Variants in GTF2IRD1 observed in about 807,000 individuals in gnomAD.
GTF2IRD1 encodes GTF2I repeat domain containing 1, also known as general transcription factor II-I repeat domain-containing protein 1.
A neutral mutation model predicts 113.2 loss-of-function variants in GTF2IRD1; 26 were observed. The ratio of observed to expected loss-of-function variants is 0.23; its 90% CI spans 0.17 to 0.32. The LOEUF is 0.32. GTF2IRD1 is among the 10% of genes least tolerant of loss of function. GTF2IRD1 has a pLI of 1.00. For missense variants in GTF2IRD1, 864 were observed against 1,280.8 expected (o/e 0.67, Z 4.97); for synonymous variants, 484 against 529.1 (o/e 0.91, Z 1.17).
At chr7:74,492,383 G>A (rs1795411943) in intron 1 of GTF2IRD1, among the ~76,000 whole-genome samples, 1 of 151,662 alleles carries the variant, frequency 6.6e-6, no homozygotes, top group Admixed American at 6.6e-5. Context: ...TGTTAGCCAG[G>A]ATGGTCTTGA....
chr7:74,589,469 G>A (rs372330378), intron 22 of GTF2IRD1, among the ~76,000 whole-genome samples: 2 of 152,074 alleles, frequency 1.3e-5, no homozygotes, highest in African/African-American at 4.8e-5. Flanking sequence ...AGGCTGAGGC[G>A]GGTGGATCAC....
chr7:74,542,018 C>G (rs1454541802), intron 14 of GTF2IRD1, among the ~76,000 whole-genome samples: 2 of 152,016 alleles, frequency 1.3e-5, no homozygotes, highest in African/African-American at 4.8e-5. Flanking sequence ...ATCCTTTGAG[C>G]CCAGGAGTTG....
chr7:74,504,292 CT>C (rs1268440120), intron 1 of GTF2IRD1, among the ~76,000 whole-genome samples: 3 of 152,214 alleles, frequency 2.0e-5, no homozygotes, highest in African/African-American at 7.2e-5. Context: ...ATTTCTCTTC[CT>C]TGCGAGTGTC....
intron 24 of GTF2IRD1, among the ~76,000 whole-genome samples, chr7:74,592,993 G>A (rs1336194743): frequency 6.6e-6 from 1 of 151,538 alleles, no homozygotes; most frequent in Admixed American, 6.6e-5. Flanking sequence ...AAATAGCTGG[G>A]ATCACAGGTG....
chr7:74,470,376 C>T (rs1218529036), intron 1 of GTF2IRD1, among the ~76,000 whole-genome samples: 10 of 152,262 alleles, frequency 6.6e-5, no homozygotes, highest in Admixed American at 4.6e-4. Flanking sequence ...CGTTCATTTT[C>T]GTCACTCTGA....
Position 74,508,152 on chromosome 7 carries a change from C to T in GTF2IRD1, c.72C>T (p.Phe24=), listed in dbSNP as rs936959209. The T allele has an allele frequency of 1.9e-6, 3 of 1,612,702 alleles. No individual in the cohort carries two copies. Among genetic ancestry groups the T allele is most frequent in the African/African-American group, 1.3e-5 (1 of 75,044 alleles). Residue 24 remains phenylalanine, a synonymous_variant, in exon 2 of 27, where the codon TTC becomes TTT. Coordinates refer to ENST00000424337, the MANE Select transcript of GTF2IRD1 (RefSeq NM_005685.4). ...GCGPDRWNSA[F]TRKDEIITSL... Reference sequence around the variant, plus strand: ...GACCCGACCGCTGGAACTCCGCGTTCACCCGCAAAGACGAGATCATCACCA... The same window carrying T: ...GACCCGACCGCTGGAACTCCGCGTTTACCCGCAAAGACGAGATCATCACCA...
At chr7:74,487,726 T>A (rs1795110148) in intron 1 of GTF2IRD1, among the ~76,000 whole-genome samples, 1 of 152,224 alleles carries the variant, frequency 6.6e-6, no homozygotes, top group South Asian at 2.1e-4. Flanking sequence ...TGGTGGCTTC[T>A]GAATAAACTG....
At chr7:74,581,763 T>C (rs1554366230) in intron 22 of GTF2IRD1, among the ~76,000 whole-genome samples, 3 of 152,140 alleles carry the variant, frequency 2.0e-5, no homozygotes, top group Non-Finnish European at 1.5e-5. Context: ...TCTCAGCACT[T>C]TGGAAGGCCA....
intron 24 of GTF2IRD1, among the ~76,000 whole-genome samples, chr7:74,592,843 GTTATA>G (rs1483867290): frequency 1.3e-5 from 2 of 151,554 alleles, no homozygotes; most frequent in Non-Finnish European, 2.9e-5. Context: ...CGCCTTCAAT[GTTATA>G]TTATGTGTTT....
intron 1 of GTF2IRD1, among the ~76,000 whole-genome samples, chr7:74,496,632 GCATGTATGTGTGC>G (rs1795747579): frequency 6.6e-6 from 1 of 150,630 alleles, no homozygotes; most frequent in Non-Finnish European, 1.5e-5. Context: ...GTGTGGGTGT[GCATGTATGTGTGC>G]GTGTGGGTGT....
intron 1 of GTF2IRD1, among the ~76,000 whole-genome samples, chr7:74,455,111 C>T (rs1792878537): frequency 6.6e-6 from 1 of 152,150 alleles, no homozygotes. Flanking sequence ...GACCCTACCT[C>T]CCAGGACCAA....
chr7:74,496,417 C>CA (rs1389618089), intron 1 of GTF2IRD1, among the ~76,000 whole-genome samples: 2 of 120,282 alleles, frequency 1.7e-5, no homozygotes, highest in South Asian at 5.4e-4. Context: ...ATGTGGGTGT[C>CA]AATGTGTGTG....
At chr7:74,583,337 C>T (rs1318490492) in intron 22 of GTF2IRD1, among the ~76,000 whole-genome samples, 1 of 151,372 alleles carries the variant, frequency 6.6e-6, no homozygotes, top group African/African-American at 2.4e-5. Context: ...TACAGGCACA[C>T]ACCACCATGC....
intron 1 of GTF2IRD1, among the ~76,000 whole-genome samples, chr7:74,500,531 C>T (rs1795976217): frequency 6.6e-6 from 1 of 151,984 alleles, no homozygotes; most frequent in South Asian, 2.1e-4. Flanking sequence ...AGACAAGTGA[C>T]CCTCCCCAGC....
At position 74,557,673 on chromosome 7, in the gene GTF2IRD1, C is replaced by T. The variant is rs148286431; in HGVS notation, c.2058C>T (p.Ile686=). 1.9e-5 allele frequency: 30 copies of T among 1,613,406 alleles called. No homozygotes were observed. In the African/African-American group the frequency reaches 1.9e-4, roughly 10 times the overall value. ...ACGCGAGGCTCTCACGGATCGACATCGCCAACACACTAAGGGAGCAGGTCC... is the reference window on the plus strand; with the variant it reads ...ACGCGAGGCTCTCACGGATCGACATTGCCAACACACTAAGGGAGCAGGTCC... ...NYDARLSRID[I]ANTLREQVQD... Residue 686 remains isoleucine, a synonymous_variant, in exon 20 of 27, where the codon ATC becomes ATT. Coordinates refer to ENST00000424337, the MANE Select transcript of GTF2IRD1 (RefSeq NM_005685.4).
intron 24 of GTF2IRD1, among the ~76,000 whole-genome samples, chr7:74,593,038 G>A (rs1393747184): frequency 6.7e-6 from 1 of 150,244 alleles, no homozygotes; most frequent in Admixed American, 6.7e-5. Context: ...TTGTATTTTT[G>A]TAGAGACAGG....
chr7:74,557,972 C>G (rs1175952765), intron 20 of GTF2IRD1, among the ~76,000 whole-genome samples: 1 of 152,116 alleles, frequency 6.6e-6, no homozygotes, highest in Non-Finnish European at 1.5e-5. Flanking sequence ...AAGAACTACA[C>G]ACAGAATTTA....
intron 22 of GTF2IRD1, among the ~76,000 whole-genome samples, chr7:74,562,915 A>G (rs1800068109): frequency 6.6e-6 from 1 of 152,186 alleles, no homozygotes; most frequent in Non-Finnish European, 1.5e-5. Flanking sequence ...CAAATACAGA[A>G]TGGACCTTAG....
At chr7:74,587,301 C>T (rs1477881829) in intron 22 of GTF2IRD1, among the ~76,000 whole-genome samples, 6 of 152,048 alleles carry the variant, frequency 3.9e-5, no homozygotes, top group African/African-American at 1.2e-4. Context: ...AAAAATTAAC[C>T]GGACGTTGTG....
Sources: gnomAD v4.1 joint callset for allele counts (sites outside exome capture counted in the v4.1 genomes callset) on GRCh38, gnomAD v4.1.1 for gene constraint, MANE v1.5 for transcripts, NCBI Gene and HGNC (gene_info 2026-07-23, HGNC 2026-07-21) for gene names.